The following PHTF2 variants were observed in gnomAD, a reference collection of about 807,000 sequenced individuals.
PHTF2 encodes protein PHTF2.
PHTF2 carries 60 observed loss-of-function variants against 101.2 expected under a neutral mutation model. That is an observed-to-expected ratio of 0.59 (90% CI 0.48 to 0.73). The LOEUF is 0.73. Among genes scored for constraint, PHTF2 ranks in the 30% least tolerant of loss-of-function variants. The pLI is 0.00. For missense variants in PHTF2, 747 were observed against 908.7 expected (o/e 0.82, Z 2.29); for synonymous variants, 311 against 307.3 (o/e 1.01, Z -0.13).
chr7:77,868,322 A>ATTT lies in PHTF2; in HGVS notation c.147+13514_147+13516dup, dbSNP rs761861776. On this transcript the variant is annotated intron_variant, in intron 3 of 19. Transcript: ENST00000416283. ...CTCGCAAGTGGCTAATTAAAAAAAA[A>ATTT]TTTTTTTTTTTTTTTTTTTTTTTTT... 2.7e-3 allele frequency among the ~76,000 whole-genome samples: 209 copies of ATTT among 78,526 alleles called. 6 individuals carry two copies. The highest frequency in any genetic ancestry group is 8.1e-3 in the African/African-American group (145 of 17,902). 51.5% of individuals were successfully genotyped at this position (78,526 alleles called of 152,430 possible). A position where few individuals can be genotyped will look rare whatever the true frequency, so the allele number is the denominator to read the frequency against.
At chr7:77,862,706 T>G (rs755776663) in intron 3 of PHTF2, among the ~76,000 whole-genome samples, 4 of 152,234 alleles carry the variant, frequency 2.6e-5, no homozygotes, top group African/African-American at 7.2e-5. Context: ...ATGAATAGGT[T>G]TAAAACAGAG....
intron 11 of PHTF2, among the ~76,000 whole-genome samples, chr7:77,925,465 T>G (rs1327049437): frequency 6.7e-6 from 1 of 149,346 alleles, no homozygotes; most frequent in Non-Finnish European, 1.5e-5. Flanking sequence ...CTATTTGAAA[T>G]TTAGGCAATT....
intron 3 of PHTF2, among the ~76,000 whole-genome samples, chr7:77,883,151 T>TA (rs1308519600): frequency 1.3e-5 from 2 of 152,118 alleles, no homozygotes; most frequent in Non-Finnish European, 2.9e-5. Flanking sequence ...AAGTAGTAGT[T>TA]ATGAGCAAAA....
intron 9 of PHTF2, among the ~76,000 whole-genome samples, chr7:77,911,812 C>G (rs1299987155): frequency 6.6e-6 from 1 of 152,046 alleles, no homozygotes; most frequent in Non-Finnish European, 1.5e-5. Flanking sequence ...CGTTTTTAAA[C>G]TTGGGTTGAA....
exon 10 of PHTF2, chr7:77,920,329 G>T: frequency 6.2e-7 from 1 of 1,606,834 alleles, no homozygotes; most frequent in Non-Finnish European, 8.5e-7. Context: ...ACTGACAATG[G>T]CTATGTATCC....
intron 1 of PHTF2, among the ~76,000 whole-genome samples, chr7:77,801,446 C>T (rs1050192154): frequency 3.3e-5 from 5 of 152,032 alleles, no homozygotes; most frequent in Non-Finnish European, 5.9e-5. Context: ...ATTAGCCGGG[C>T]GTGGTGGTAT....
At chr7:77,860,809 T>C (rs1797579204) in intron 3 of PHTF2, among the ~76,000 whole-genome samples, 1 of 152,100 alleles carries the variant, frequency 6.6e-6, no homozygotes, top group African/African-American at 2.4e-5. Context: ...CCTCCTCGGC[T>C]CAAGCAATCC....
rs565291119 is a variant in PHTF2, at chr7:77,937,968, G to T, written c.1467+130G>T. The T allele has an allele frequency of 8.3e-6, 3 of 360,526 alleles. No homozygotes were observed. The Admixed American group carries it at 1.5e-4, about 17-fold the overall frequency. 22.3% of individuals were successfully genotyped at this position (360,526 alleles called of 1,614,324 possible). A position where few individuals can be genotyped will look rare whatever the true frequency, so the allele number is the denominator to read the frequency against. On this transcript the variant is annotated intron_variant, in intron 13 of 19. Transcript: ENST00000416283. ...TCACCCTGAAAAAAAAGTTACATGT[G>T]TGTATTTGTTTCTGTCTGTAATTTA...
intron 1 of PHTF2, among the ~76,000 whole-genome samples, chr7:77,814,357 A>G (rs1793677088): frequency 6.6e-6 from 1 of 152,126 alleles, no homozygotes; most frequent in Admixed American, 6.5e-5. Context: ...ATTTAATTTT[A>G]TTGTTTATTT....
intron 2 of PHTF2, among the ~76,000 whole-genome samples, chr7:77,841,174 G>T (rs1795852324): frequency 7.0e-6 from 1 of 142,018 alleles, no homozygotes; most frequent in Non-Finnish European, 1.5e-5. Context: ...CTGCCTCCTG[G>T]GTTCAAGCGA....
intron 1 of PHTF2, among the ~76,000 whole-genome samples, chr7:77,805,912 C>T (rs937980769): frequency 1.3e-5 from 2 of 152,172 alleles, no homozygotes; most frequent in Admixed American, 6.5e-5. Flanking sequence ...GAGTGGCTTA[C>T]GCCTGTAATC....
chr7:77,813,260 G>C (rs1296583288), intron 1 of PHTF2, among the ~76,000 whole-genome samples: 1 of 152,176 alleles, frequency 6.6e-6, no homozygotes, highest in Non-Finnish European at 1.5e-5. Context: ...CAAAGAAACT[G>C]AGAAGGAGTG....
chr7:77,828,115 G>T (rs1018265277), intron 1 of PHTF2, among the ~76,000 whole-genome samples: 1 of 152,180 alleles, frequency 6.6e-6, no homozygotes, highest in African/African-American at 2.4e-5. Context: ...AATTTAGAAC[G>T]TTTCTGCTGA....
intron 1 of PHTF2, among the ~76,000 whole-genome samples, chr7:77,831,098 T>C (rs1260801789): frequency 2.0e-5 from 3 of 152,244 alleles, no homozygotes; most frequent in African/African-American, 7.2e-5. Flanking sequence ...CAACAGGTGA[T>C]TCACATTCTC....
chr7:77,908,606 A>G (rs1802080953), intron 7 of PHTF2, among the ~76,000 whole-genome samples, 187 bp from the exon 7 acceptor site: 1 of 152,194 alleles, frequency 6.6e-6, no homozygotes, highest in Non-Finnish European at 1.5e-5. Context: ...TTTATTACTA[A>G]ATACCATGGT....
chr7:77,863,230 C>T lies in PHTF2; in HGVS notation c.147+8396C>T, dbSNP rs565821613. 6.0e-4 allele frequency among the ~76,000 whole-genome samples: 92 copies of T among 152,198 alleles called. 2 individuals are homozygous for T. Among genetic ancestry groups the T allele is most frequent in the African/African-American group, 2.0e-3 (84 of 41,538 alleles). On this transcript the variant is annotated intron_variant, in intron 3 of 19. Transcript: ENST00000416283. ...CGAATTACAAAGAGTTCTGGTTTACCTAGTTTGTGGAGAAGGGGGATAGTG... is the reference window on the plus strand; with the variant it reads ...CGAATTACAAAGAGTTCTGGTTTACTTAGTTTGTGGAGAAGGGGGATAGTG...
intron 1 of PHTF2, among the ~76,000 whole-genome samples, chr7:77,809,224 GTTT>G (rs34141515): frequency 1.2e-4 from 12 of 98,504 alleles, no homozygotes; most frequent in Non-Finnish European, 2.1e-4. Context: ...CCAGTTCGTT[GTTT>G]TTTTTTTTTT....
intron 3 of PHTF2, among the ~76,000 whole-genome samples, chr7:77,862,653 A>T (rs1449498507): frequency 2.6e-5 from 4 of 152,218 alleles, no homozygotes; most frequent in African/African-American, 9.6e-5. Flanking sequence ...AAAATATTTT[A>T]TGACTTACTG....
rs761861776 is a variant in PHTF2 at position 77,868,322 on chromosome 7, A to ATT, written c.147+13515_147+13516dup. 8.1e-3 allele frequency among the ~76,000 whole-genome samples: 639 copies of ATT among 78,514 alleles called. 6 individuals carry two copies. Among genetic ancestry groups the ATT allele is most frequent in the East Asian group, 0.03 (73 of 2,444 alleles). The allele number at this position is 78,514 out of a possible 152,430, so 51.5% of individuals were successfully genotyped here. A position where few individuals can be genotyped will look rare whatever the true frequency, so the allele number is the denominator to read the frequency against. On this transcript the variant is annotated intron_variant, in intron 3 of 19. Transcript: ENST00000416283. ...CTCGCAAGTGGCTAATTAAAAAAAA[A>ATT]TTTTTTTTTTTTTTTTTTTTTTTTT...
Sources: allele counts gnomAD v4.1 joint callset (sites outside exome capture counted in the v4.1 genomes callset), GRCh38; gene constraint gnomAD v4.1.1; transcripts MANE v1.5; gene names NCBI Gene and HGNC (gene_info 2026-07-23, HGNC 2026-07-21).